CCDC192: variants seen among roughly 807,000 people sequenced by gnomAD.
CCDC192 encodes the protein coiled-coil domain-containing protein 192.
intron 2 of CCDC192, among the ~76,000 whole-genome samples, chr5:127,733,842 CT>C (rs35941519): frequency 0.011 from 1,573 of 140,874 alleles, 27 homozygotes; most frequent in African/African-American, 0.036. Context: ...ATTGAAGTTT[CT>C]TTTTTTTTTT....
chr5:127,934,468 T>TA (rs1754134972), intron 6 of CCDC192, among the ~76,000 whole-genome samples: 1 of 152,232 alleles, frequency 6.6e-6, no homozygotes, highest in African/African-American at 2.4e-5. Flanking sequence ...AACACGTGCC[T>TA]ACTTCAGATG....
intron 6 of CCDC192, among the ~76,000 whole-genome samples, chr5:127,890,838 A>G (rs1197274521): frequency 6.6e-6 from 1 of 152,204 alleles, no homozygotes; most frequent in African/African-American, 2.4e-5. Context: ...CCGACAAAAC[A>G]TCTGGTGGAA....
intron 5 of CCDC192, among the ~76,000 whole-genome samples, chr5:127,823,419 G>A (rs933799454): frequency 6.6e-6 from 1 of 152,172 alleles, no homozygotes; most frequent in Admixed American, 6.5e-5. Context: ...TGCCACATGA[G>A]TGGGTGTCAC....
chr5:127,735,407 G>T (rs972017715), intron 2 of CCDC192, among the ~76,000 whole-genome samples: 14 of 148,938 alleles, frequency 9.4e-5, no homozygotes, highest in African/African-American at 3.1e-4. Flanking sequence ...TCTTGGAAAT[G>T]TGGGCTCTTT....
At chr5:127,709,374 C>T (rs1203871123) in intron 2 of CCDC192, among the ~76,000 whole-genome samples, 1 of 152,180 alleles carries the variant, frequency 6.6e-6, no homozygotes, top group Non-Finnish European at 1.5e-5. Flanking sequence ...ATCCAATCAC[C>T]TTCCACCAGG....
intron 6 of CCDC192, among the ~76,000 whole-genome samples, chr5:127,894,684 A>G (rs1165923187): frequency 1.3e-5 from 2 of 152,194 alleles, no homozygotes; most frequent in Non-Finnish European, 2.9e-5. Flanking sequence ...TACTACTTGC[A>G]TTGTTTCCAG....
intron 6 of CCDC192, among the ~76,000 whole-genome samples, chr5:127,939,266 C>T (rs1023487117): frequency 6.6e-6 from 1 of 151,558 alleles, no homozygotes; most frequent in African/African-American, 2.4e-5. Flanking sequence ...TACAGGTGTG[C>T]ACCACCACAC....
At chr5:127,738,537 G>T (rs1753176039) in intron 2 of CCDC192, among the ~76,000 whole-genome samples, 2 of 143,062 alleles carry the variant, frequency 1.4e-5, no homozygotes, top group Non-Finnish European at 3.0e-5. Context: ...TTCCAACTTG[G>T]TTCCATTCTC....
intron 6 of CCDC192, among the ~76,000 whole-genome samples, chr5:127,896,592 C>A (rs917648015): frequency 2.6e-5 from 4 of 152,074 alleles, no homozygotes; most frequent in Non-Finnish European, 4.4e-5. Context: ...CACCACCACA[C>A]CTGGCTAATT....
intron 5 of CCDC192, among the ~76,000 whole-genome samples, chr5:127,821,061 C>G (rs1749265843): frequency 6.6e-6 from 1 of 151,898 alleles, no homozygotes; most frequent in African/African-American, 2.4e-5. Context: ...ACACTGGAAG[C>G]TCAGGCAGGC....
chr5:127,869,301 G>A (rs1227460292), intron 5 of CCDC192, among the ~76,000 whole-genome samples: 1 of 152,028 alleles, frequency 6.6e-6, no homozygotes, highest in Non-Finnish European at 1.5e-5. Flanking sequence ...TCCACCCTGG[G>A]CAATAAGAGC....
In CCDC192 at chr5:127,912,948, C is replaced by T. The variant is rs183774152; in HGVS notation, c.536-28234C>T. ...TGTTCTGCACTGGCCCTGACCAACA[C>T]ATGGTCCCATCATCAAAAGTCAAAC... On this transcript the variant is annotated intron_variant, in intron 6 of 6. Transcript: ENST00000514853. Among the ~76,000 whole-genome samples, 13 of 152,336 alleles carry T rather than the reference C, an allele frequency of 8.5e-5. No individual in the cohort carries two copies. In the East Asian group the frequency reaches 2.3e-3, roughly 27 times the overall value.
intron 5 of CCDC192, among the ~76,000 whole-genome samples, chr5:127,856,096 A>G (rs1751078307): frequency 6.6e-6 from 1 of 152,212 alleles, no homozygotes; most frequent in Non-Finnish European, 1.5e-5. Context: ...CCTAGATGGC[A>G]TCTTCTTCCA....
intron 6 of CCDC192, among the ~76,000 whole-genome samples, chr5:127,896,597 C>A (rs1451499974): frequency 6.6e-6 from 1 of 152,050 alleles, no homozygotes; most frequent in Non-Finnish European, 1.5e-5. Flanking sequence ...CCACACCTGG[C>A]TAATTTGTTT....
At chr5:127,788,110 G>T (rs200700669) in intron 3 of CCDC192, among the ~76,000 whole-genome samples, 9 of 151,412 alleles carry the variant, frequency 5.9e-5, no homozygotes, top group African/African-American at 1.2e-4. Context: ...AAAAGGGGGG[G>T]ACTATTGAAG....
At chr5:127,715,130 G>A (rs1751557397) in intron 2 of CCDC192, among the ~76,000 whole-genome samples, 2 of 152,048 alleles carry the variant, frequency 1.3e-5, no homozygotes, top group South Asian at 4.2e-4. Context: ...TCAAATTGAT[G>A]TAATCCCATT....
intron 6 of CCDC192, among the ~76,000 whole-genome samples, chr5:127,939,297 T>C (rs975822337): frequency 1.3e-5 from 2 of 151,902 alleles, no homozygotes; most frequent in Admixed American, 1.3e-4. Flanking sequence ...TTTGTATTTT[T>C]AGTAGAGATG....
chr5:127,805,706 A>T (rs1396109636), intron 5 of CCDC192, among the ~76,000 whole-genome samples: 1 of 152,202 alleles, frequency 6.6e-6, no homozygotes, highest in Non-Finnish European at 1.5e-5. Flanking sequence ...GAATGATTGC[A>T]TGTGAGATAA....
chr5:127,827,891 A>G (rs142219429), intron 5 of CCDC192, among the ~76,000 whole-genome samples: 135 of 152,120 alleles, frequency 8.9e-4, no homozygotes, highest in Middle Eastern at 3.4e-3. Context: ...GCAATTTCCT[A>G]CCCATTATTT....
Sources: allele counts gnomAD v4.1 joint callset (sites outside exome capture counted in the v4.1 genomes callset), GRCh38; gene constraint gnomAD v4.1.1; transcripts MANE v1.5; gene names NCBI Gene and HGNC (gene_info 2026-07-23, HGNC 2026-07-21).